PTPRD: variants seen among roughly 807,000 people sequenced by gnomAD.
The protein encoded by PTPRD is receptor-type tyrosine-protein phosphatase delta.
Under a neutral mutation model 214.5 loss-of-function variants are expected in PTPRD, and 34 were observed. The observed-to-expected ratio is 0.16, with a 90% CI of 0.12 to 0.21. The LOEUF (loss-of-function observed/expected upper bound fraction) is 0.21, where lower values mean the gene tolerates loss of function less well. PTPRD is among the 10% of genes least tolerant of loss of function. The pLI is 1.00. For synonymous variants in PTPRD, 1,128 were observed against 845.7 expected (o/e 1.33, Z -5.79); for missense variants, 2,545 against 2,398.7 (o/e 1.06, Z -1.27).
chr9:9,229,895 T>G (rs1255590694), intron 9 of PTPRD, among the ~76,000 whole-genome samples: 2 of 152,070 alleles, frequency 1.3e-5, no homozygotes, highest in Admixed American at 1.3e-4. Flanking sequence ...AATTATACAC[T>G]TTTTAAATTA....
intron 10 of PTPRD, among the ~76,000 whole-genome samples, chr9:9,165,051 CAA>C (rs35703586): frequency 2.3e-3 from 275 of 117,426 alleles, no homozygotes; most frequent in Middle Eastern, 8.1e-3. Flanking sequence ...GACTCCATCT[CAA>C]AAAAAAAAAA....
intron 12 of PTPRD, among the ~76,000 whole-genome samples, chr9:8,697,286 T>A (rs2097935767): frequency 6.6e-6 from 1 of 152,106 alleles, no homozygotes; most frequent in Non-Finnish European, 1.5e-5. Context: ...GCCAGAGAAA[T>A]CTAGAGGCCC....
intron 5 of PTPRD, among the ~76,000 whole-genome samples, chr9:9,784,930 G>T (rs1375761915): frequency 6.8e-6 from 1 of 147,006 alleles, no homozygotes; most frequent in South Asian, 2.2e-4. Flanking sequence ...TCAACAAATT[G>T]TATATGGTTT....
intron 3 of PTPRD, among the ~76,000 whole-genome samples, chr9:10,040,123 C>A (rs1004503896): frequency 6.6e-6 from 1 of 151,950 alleles, no homozygotes; most frequent in Admixed American, 6.6e-5. Flanking sequence ...GTAGGTAATA[C>A]TCTATCTAGA....
At chr9:8,498,154 T>A (rs2097316303) in intron 25 of PTPRD, among the ~76,000 whole-genome samples, 2 of 152,242 alleles carry the variant, frequency 1.3e-5, no homozygotes, top group Admixed American at 1.3e-4. Flanking sequence ...ATCCCTTTAC[T>A]TAGAATGTTT....
At chr9:9,607,097 C>G (rs2094211218) in intron 7 of PTPRD, among the ~76,000 whole-genome samples, 3 of 148,082 alleles carry the variant, frequency 2.0e-5, no homozygotes, top group African/African-American at 7.4e-5. Flanking sequence ...CTGTAACACT[C>G]TTTATATTTA....
rs374557678 is a variant in PTPRD at position 8,702,711 on chromosome 9, G to A, written c.64+31069C>T. Among the ~76,000 whole-genome samples the A allele has an allele frequency of 5.2e-4, 79 of 152,236 alleles. 1 individual carries two copies. The highest frequency in any genetic ancestry group is 1.8e-3 in the African/African-American group (75 of 41,558). On this transcript the variant is annotated intron_variant, in intron 12 of 45. Transcript: ENST00000381196. ...TCACTGCAACCTCCCGTGTTCAAGC[G>A]ATTCTCCTGCCTCAGCCTCCCCAGT... is the stretch of plus-strand genomic sequence containing the variant.
At chr9:9,026,342 G>A (rs539591027) in intron 10 of PTPRD, among the ~76,000 whole-genome samples, 2 of 151,952 alleles carry the variant, frequency 1.3e-5, no homozygotes, top group African/African-American at 2.4e-5. Flanking sequence ...TAAGAGAGGA[G>A]GTGTAGGCCA....
In PTPRD at chr9:8,612,117, C is replaced by G. The variant is rs146403330; in HGVS notation, c.352+21200G>C. On this transcript the variant is annotated intron_variant, in intron 14 of 45. Transcript: ENST00000381196. ...AAGACCTTGTGAAAAGAAAAGAAAACAAAACAAAACAAAACAAAACAAAAG... is the reference window on the plus strand; with the variant it reads ...AAGACCTTGTGAAAAGAAAAGAAAAGAAAACAAAACAAAACAAAACAAAAG... 3.1e-3 allele frequency among the ~76,000 whole-genome samples: 459 copies of G among 150,124 alleles called. 3 individuals carry two copies. The highest frequency in any genetic ancestry group is 0.024 in the East Asian group (121 of 5,044).
At chr9:9,464,191 A>G (rs1451533957) in intron 8 of PTPRD, among the ~76,000 whole-genome samples, 5 of 152,252 alleles carry the variant, frequency 3.3e-5, no homozygotes, top group East Asian at 1.9e-4. Context: ...CCAGTGAGCA[A>G]TGGGACCTAG....
chr9:8,793,262 T>C (rs990357835), intron 11 of PTPRD, among the ~76,000 whole-genome samples: 2 of 149,530 alleles, frequency 1.3e-5, no homozygotes, highest in African/African-American at 5.1e-5. Flanking sequence ...CTTTGATCAC[T>C]CATTTTGGAA....
At chr9:10,447,678 C>A (rs78311116) in intron 2 of PTPRD, among the ~76,000 whole-genome samples, 3,392 of 152,010 alleles carry the variant, frequency 0.022, 195 homozygotes, top group African/African-American at 0.078. Context: ...AGACTAAGAA[C>A]CCAAAGAGGT....
intron 2 of PTPRD, among the ~76,000 whole-genome samples, chr9:10,522,546 A>C (rs1234733761): frequency 6.6e-6 from 1 of 152,140 alleles, no homozygotes; most frequent in African/African-American, 2.4e-5. Context: ...GTGCCTCTTA[A>C]AAGTAATAGC....
chr9:9,675,828 G>C (rs1462094125), intron 7 of PTPRD, among the ~76,000 whole-genome samples: 1 of 151,762 alleles, frequency 6.6e-6, no homozygotes, highest in African/African-American at 2.4e-5. Flanking sequence ...TAAAAACATC[G>C]ACCTAATCTT....
intron 7 of PTPRD, among the ~76,000 whole-genome samples, chr9:9,723,318 G>A (rs1484878693): frequency 6.6e-6 from 1 of 152,038 alleles, no homozygotes; most frequent in Non-Finnish European, 1.5e-5. Flanking sequence ...TCAAAGATCA[G>A]TTAGCCATAA....
chr9:10,137,669 T>G (rs1225288499), intron 3 of PTPRD, among the ~76,000 whole-genome samples: 1 of 64,370 alleles, frequency 1.6e-5, no homozygotes, highest in Non-Finnish European at 2.7e-5. Context: ...ACCTGCACAA[T>G]GTGCACATGT....
At chr9:10,227,503 C>G (rs780805762) in intron 3 of PTPRD, among the ~76,000 whole-genome samples, 1 of 151,798 alleles carries the variant, frequency 6.6e-6, no homozygotes, top group Non-Finnish European at 1.5e-5. Flanking sequence ...TTCAGCTATC[C>G]AAGGTTTGGC....
intron 5 of PTPRD, among the ~76,000 whole-genome samples, chr9:9,838,038 G>T (rs191236168): frequency 1.3e-5 from 2 of 152,028 alleles, no homozygotes; most frequent in Non-Finnish European, 2.9e-5. Context: ...GTGTCCTTGC[G>T]ATAGTTTACT....
chr9:8,369,100 C>G (rs117673106), intron 39 of PTPRD, among the ~76,000 whole-genome samples: 1 of 152,096 alleles, frequency 6.6e-6, no homozygotes, highest in East Asian at 1.9e-4. Context: ...TCAAAACTAT[C>G]ACATGCTTTG....
Sources: allele counts gnomAD v4.1 joint callset (sites outside exome capture counted in the v4.1 genomes callset), GRCh38; gene constraint gnomAD v4.1.1; transcripts MANE v1.5; gene names NCBI Gene and HGNC (gene_info 2026-07-23, HGNC 2026-07-21).